The following GATAD2A variants were observed in gnomAD, a reference collection of about 807,000 sequenced individuals.
The protein encoded by GATAD2A is transcriptional repressor p66-alpha.
A neutral mutation model predicts 68.5 loss-of-function variants in GATAD2A; 12 were observed. The observed-to-expected ratio is 0.18, with a 90% CI of 0.11 to 0.28. The LOEUF is 0.28. GATAD2A is among the 10% of genes least tolerant of loss of function. The pLI is 1.00. For synonymous variants in GATAD2A, 410 were observed against 375.3 expected (o/e 1.09, Z -1.07); for missense variants, 755 against 868.5 (o/e 0.87, Z 1.64).
chr19:19,447,515 C>T lies in GATAD2A; in HGVS notation c.-6-17825C>T, dbSNP rs1187413266. ...GGTGTCTATACACAGACTCCTCCCA[C>T]CCCTGAGGGGAAGAGTTCCATTTGC... On this transcript the variant is annotated intron_variant, in intron 1 of 11. Coordinates refer to ENST00000683918, the MANE Select transcript of GATAD2A (RefSeq NM_001384528.1). Among the ~76,000 whole-genome samples, 3 of 152,336 alleles carry T rather than the reference C, an allele frequency of 2.0e-5. No individual in the cohort carries two copies. The East Asian group carries it at 5.8e-4, about 29-fold the overall frequency.
intron 1 of GATAD2A, among the ~76,000 whole-genome samples, chr19:19,389,467 C>T (rs1012259929): frequency 4.6e-5 from 7 of 152,084 alleles, no homozygotes; most frequent in African/African-American, 1.7e-4. Context: ...AGACTCCTGC[C>T]GAGGCTATAA....
In GATAD2A at chr19:19,507,204, G is replaced by C. The variant is rs1185464342; in HGVS notation, c.*1730G>C. 8.3e-6 allele frequency: 1 copy of C among 120,456 alleles called. No homozygotes were observed. Among genetic ancestry groups the C allele is most frequent in the African/African-American group, 3.1e-5 (1 of 32,052 alleles). 7.5% of individuals were successfully genotyped at this position (120,456 alleles called of 1,614,324 possible). A position where few individuals can be genotyped will look rare whatever the true frequency, so the allele number is the denominator to read the frequency against. ...ATCCAGGGATTTGGGGAAAAGGAAG[G>C]AATTTGATGTTTTTTGGGGTGGGAG... On this transcript the variant is annotated 3_prime_UTR_variant, in exon 12 of 12. Transcript: ENST00000683918.
At chr19:19,503,946 C>T (rs1293388356) in intron 11 of GATAD2A, among the ~76,000 whole-genome samples, 1 of 152,214 alleles carries the variant, frequency 6.6e-6, no homozygotes, top group Admixed American at 6.5e-5. Flanking sequence ...CTGGCTCTCA[C>T]CTGTAATCCC....
At chr19:19,447,854 C>T (rs2055912920) in intron 1 of GATAD2A, among the ~76,000 whole-genome samples, 1 of 152,228 alleles carries the variant, frequency 6.6e-6, no homozygotes. Context: ...TTCCACTTGA[C>T]ATTTCCTTCC....
At chr19:19,389,669 CAG>C (rs2048704380) in intron 1 of GATAD2A, among the ~76,000 whole-genome samples, 1 of 152,158 alleles carries the variant, frequency 6.6e-6, no homozygotes, top group Non-Finnish European at 1.5e-5. Context: ...GCACTGCCCT[CAG>C]GGGAAGGGAA....
intron 1 of GATAD2A, among the ~76,000 whole-genome samples, chr19:19,396,685 T>A (rs1599977359): frequency 6.6e-6 from 1 of 152,030 alleles, no homozygotes; most frequent in African/African-American, 2.4e-5. Context: ...GCGCGACCTG[T>A]TTGTTAGGTT....
At chr19:19,430,140 C>T (rs1407739400) in intron 1 of GATAD2A, among the ~76,000 whole-genome samples, 1 of 152,166 alleles carries the variant, frequency 6.6e-6, no homozygotes, top group Non-Finnish European at 1.5e-5. Context: ...TTCTTGAGTA[C>T]TGACATGGCT....
intron 7 of GATAD2A, among the ~76,000 whole-genome samples, chr19:19,496,711 C>T (rs1478359250): frequency 6.6e-6 from 1 of 152,246 alleles, no homozygotes; most frequent in Admixed American, 6.5e-5. Context: ...CGTCCCTTCA[C>T]CTCTGTACAG....
chr19:19,491,249 T>C (rs2059771276), intron 2 of GATAD2A, among the ~76,000 whole-genome samples: 1 of 152,176 alleles, frequency 6.6e-6, no homozygotes, highest in Non-Finnish European at 1.5e-5. Context: ...TAGACGTTTG[T>C]GACCATACTT....
At chr19:19,413,621 G>A (rs1256989688) in intron 1 of GATAD2A, among the ~76,000 whole-genome samples, 3 of 152,012 alleles carry the variant, frequency 2.0e-5, no homozygotes, top group African/African-American at 4.8e-5. Context: ...TCACTCTGTC[G>A]CTCAGGCTGG....
At chr19:19,392,079 C>CTTTTTTT (rs753791949) in intron 1 of GATAD2A, among the ~76,000 whole-genome samples, 4 of 107,062 alleles carry the variant, frequency 3.7e-5, no homozygotes, top group Admixed American at 1.1e-4. Context: ...AGAGTTTTTC[C>CTTTTTTT]TTTTTTTTTT....
rs765752257 is a variant in GATAD2A, at chr19:19,505,350, C to A, written c.1781C>A (p.Thr594Asn). 1.2e-6 allele frequency: 2 copies of A among 1,613,340 alleles called. No homozygotes were observed. Among genetic ancestry groups the A allele is most frequent in the Non-Finnish European group, 1.7e-6 (2 of 1,179,756 alleles). The change falls in exon 12 of 12, where the codon ACC becomes AAC. Residue 594 changes from threonine (T) to asparagine (N), a missense_variant. Coordinates refer to ENST00000683918, the MANE Select transcript of GATAD2A (RefSeq NM_001384528.1). ...TCGCTCTGTTCTGTTGCAGGCGGGACCCTTGCGTTTGTCAGCCCAAGCCTG... is the reference window on the plus strand; with the variant it reads ...TCGCTCTGTTCTGTTGCAGGCGGGAACCTTGCGTTTGTCAGCCCAAGCCTG... ...WKKTPLSTGG[T>N]LAFVSPSLAV...
At chr19:19,485,877 G>A (rs1338399709) in intron 2 of GATAD2A, among the ~76,000 whole-genome samples, 2 of 152,194 alleles carry the variant, frequency 1.3e-5, no homozygotes, top group Non-Finnish European at 2.9e-5. Flanking sequence ...GGCTTCCAGG[G>A]TCTGTTGCTT....
At chr19:19,455,506 A>AT (rs1029616509) in intron 1 of GATAD2A, among the ~76,000 whole-genome samples, 24 of 152,102 alleles carry the variant, frequency 1.6e-4, no homozygotes, top group African/African-American at 4.6e-4. Flanking sequence ...TAAAAAAAAA[A>AT]TTTTTTTTGA....
At chr19:19,483,850 G>C (rs567485081) in intron 2 of GATAD2A, among the ~76,000 whole-genome samples, 40 of 146,528 alleles carry the variant, frequency 2.7e-4, no homozygotes, top group Middle Eastern at 7.3e-3. Flanking sequence ...GGATGGTCTC[G>C]ATCTCTTGAC....
chr19:19,466,267 C>T (rs2057858275), intron 2 of GATAD2A, among the ~76,000 whole-genome samples: 1 of 152,220 alleles, frequency 6.6e-6, no homozygotes, highest in Non-Finnish European at 1.5e-5. Context: ...GACTTCAAAA[C>T]CTTCCTTTCT....
Position 19,465,402 on chromosome 19 carries a change from A to C in GATAD2A, c.57A>C (p.Pro19=). ...RSQKRALERD[P]TEDDVESKKI... ...AGAAACGAGCGCTTGAACGGGACCC[A>C]ACAGAGGACGATGTGGAGAGCAAGA... Residue 19 remains proline, a synonymous_variant, in exon 2 of 12, where the codon CCA becomes CCC. Transcript: ENST00000683918. 6.2e-7 allele frequency: 1 copy of C among 1,614,008 alleles called. No homozygotes were observed. Among genetic ancestry groups the C allele is most frequent in the Non-Finnish European group, 8.5e-7 (1 of 1,179,846 alleles).
rs550949048 is a variant in GATAD2A, at chr19:19,498,709, A to G, written c.1191A>G (p.Leu397=). 1 of 1,609,266 alleles carries G rather than the reference A, an allele frequency of 6.2e-7. No homozygotes were observed. Among genetic ancestry groups the G allele is most frequent in the South Asian group, 1.1e-5 (1 of 90,814 alleles). The change falls in exon 8 of 12, where the codon CTA becomes CTG. Residue 397 remains leucine (L), a synonymous_variant. Transcript: ENST00000683918. The stretch of plus-strand genomic sequence containing the variant: ...GCCTGGAGGAGGTGGTGCAGAACCT[A>G]CTGGAGACACAAGGTGAGTGGCCTG... ...LVGLEEVVQN[L]LETQAGRMSA... is the part of the protein sequence containing the mutation.
At chr19:19,492,134 G>T (rs1211142561) in intron 2 of GATAD2A, among the ~76,000 whole-genome samples, 172 bp from the exon 3 acceptor site, 1 of 152,230 alleles carries the variant, frequency 6.6e-6, no homozygotes, top group East Asian at 1.9e-4. Context: ...TGACGTGTGG[G>T]TAAGAAGAAG....
Sources: allele counts gnomAD v4.1 joint callset (sites outside exome capture counted in the v4.1 genomes callset), GRCh38; gene constraint gnomAD v4.1.1; transcripts MANE v1.5; gene names NCBI Gene and HGNC (gene_info 2026-07-23, HGNC 2026-07-21).